The following DAPK2 variants were observed in gnomAD, a reference collection of about 807,000 sequenced individuals.
DAPK2 encodes the protein death-associated protein kinase 2.
DAPK2 carries 35 observed loss-of-function variants against 44.1 expected under a neutral mutation model. That is an observed-to-expected ratio of 0.79 (90% CI 0.61 to 1.05). The LOEUF (loss-of-function observed/expected upper bound fraction) is 1.05. Ranked by LOEUF, DAPK2 falls within the 50% of genes least tolerant of loss-of-function variation. The pLI is 0.00. For synonymous variants in DAPK2, 174 were observed against 182.6 expected, an observed-to-expected ratio of 0.95 and a Z score of 0.38; for missense variants, 453 against 483.2, an observed-to-expected ratio of 0.94 and a Z score of 0.59.
intron 3 of DAPK2, among the ~76,000 whole-genome samples, chr15:63,943,992 C>T (rs968837347): frequency 1.3e-5 from 2 of 152,190 alleles, no homozygotes; most frequent in African/African-American, 4.8e-5. Context: ...TCCTCTGGCA[C>T]CTGTGTCCTA....
intron 1 of DAPK2, among the ~76,000 whole-genome samples, chr15:64,006,896 AT>A (rs1339438217): frequency 6.6e-6 from 1 of 152,136 alleles, no homozygotes; most frequent in Non-Finnish European, 1.5e-5. Context: ...GGAAGTAGAC[AT>A]TATTCTTCCC....
Position 63,928,709 on chromosome 15 carries a change from C to G in DAPK2, c.659+842G>C, listed in dbSNP as rs76279892. Among the ~76,000 whole-genome samples, 730 of 152,178 alleles carry G rather than the reference C, an allele frequency of 4.8e-3. 5 individuals are homozygous for G. Among genetic ancestry groups the G allele is most frequent in the African/African-American group, 0.016 (680 of 41,504 alleles). ...GTGATAGTATCATGGGACTCCAGCC[C>G]CAGAGGTAACTCACTACACACTGGA... is the stretch of plus-strand genomic sequence containing the variant. On this transcript the variant is annotated intron_variant, in intron 6 of 10. Transcript: ENST00000261891.
chr15:63,915,725 A>G (rs938048698), intron 8 of DAPK2, among the ~76,000 whole-genome samples: 2 of 152,178 alleles, frequency 1.3e-5, no homozygotes, highest in Admixed American at 1.3e-4. Flanking sequence ...GGCCCTGTTT[A>G]TAGCTACACA....
At chr15:63,982,398 C>T (rs944126241) in intron 2 of DAPK2, among the ~76,000 whole-genome samples, 3 of 152,026 alleles carry the variant, frequency 2.0e-5, no homozygotes, top group Admixed American at 2.0e-4. Context: ...ACCATGTTAG[C>T]CAGGCTGGTC....
intron 1 of DAPK2, among the ~76,000 whole-genome samples, chr15:64,017,866 A>G (rs942856882): frequency 6.6e-6 from 1 of 152,190 alleles, no homozygotes; most frequent in Non-Finnish European, 1.5e-5. Flanking sequence ...GAGAAGGAGG[A>G]GAGGACAAAC....
chr15:63,982,187 CTTTTT>C (rs5813271), intron 2 of DAPK2, among the ~76,000 whole-genome samples: 1 of 107,874 alleles, frequency 9.3e-6, no homozygotes, highest in Non-Finnish European at 1.8e-5. Flanking sequence ...TCAGAATATT[CTTTTT>C]TTTTTTTTTT....
upstream of DAPK2, among the ~76,000 whole-genome samples, chr15:64,043,514 G>T (rs988579824): frequency 1.3e-5 from 2 of 152,188 alleles, no homozygotes; most frequent in African/African-American, 2.4e-5. Context: ...AGACACAAAA[G>T]ACTGCATACT....
chr15:63,932,525 T>C (rs984055036), intron 4 of DAPK2: 1 of 145,184 alleles, frequency 6.9e-6, no homozygotes, highest in African/African-American at 2.5e-5. Context: ...AGAGTATAGA[T>C]GACACTTTAT....
intron 8 of DAPK2, among the ~76,000 whole-genome samples, chr15:63,915,464 T>G (rs1595694424): frequency 6.6e-6 from 1 of 152,348 alleles, no homozygotes; most frequent in East Asian, 1.9e-4. Context: ...TTTGCTCAGA[T>G]GGGATTAGTA....
chr15:63,983,654 C>A (rs140788025), exon 2 of DAPK2: 1 of 1,614,136 alleles, frequency 6.2e-7, no homozygotes. Context: ...CGGCTCACAC[C>A]GCGCCGGCTC....
intron 3 of DAPK2, among the ~76,000 whole-genome samples, chr15:63,949,653 T>G (rs1429600599): frequency 6.6e-6 from 1 of 152,126 alleles, no homozygotes; most frequent in Non-Finnish European, 1.5e-5. Flanking sequence ...GGCTCCAAGA[T>G]GCATGACTTC....
At chr15:63,911,939 T>C (rs1200416756) in exon 10 of DAPK2, 1 of 1,613,930 alleles carries the variant, frequency 6.2e-7, no homozygotes, top group Admixed American at 1.7e-5. Context: ...GTGCACCTTC[T>C]TCATCAGCGA....
At chr15:63,919,220 C>T (rs2079007783) in intron 8 of DAPK2, 1 of 152,164 alleles carries the variant, frequency 6.6e-6, no homozygotes, top group African/African-American at 2.4e-5. Flanking sequence ...TTTAGAAGCT[C>T]TTTGTACAGA....
At chr15:63,958,990 G>A (rs2077808731) in intron 3 of DAPK2, among the ~76,000 whole-genome samples, 1 of 152,180 alleles carries the variant, frequency 6.6e-6, no homozygotes. Context: ...CCATGAGCAT[G>A]GAATGTTCTT....
At chr15:64,007,300 A>C (rs2079260040) in intron 1 of DAPK2, among the ~76,000 whole-genome samples, 2 of 149,802 alleles carry the variant, frequency 1.3e-5, no homozygotes, top group East Asian at 3.9e-4. Context: ...ACCCTTTCTC[A>C]CTCTTCTCAA....
intron 1 of DAPK2, among the ~76,000 whole-genome samples, chr15:64,005,945 G>A (rs111423076): frequency 0.034 from 5,151 of 150,074 alleles, 119 homozygotes; most frequent in African/African-American, 0.064. Context: ...GAGGTAGAAA[G>A]ATCACTTGAG....
chr15:63,942,977 T>G (rs570380308), intron 3 of DAPK2, among the ~76,000 whole-genome samples: 1 of 152,244 alleles, frequency 6.6e-6, no homozygotes, highest in East Asian at 1.9e-4. Context: ...TCAATATATG[T>G]GCCCCAAGTG....
Position 63,983,765 on chromosome 15 carries a change from A to G in DAPK2, c.93-11T>C. ...ATGGCAAACTGGCCACTGTGGGGAC[A>G]CAGACCCACAAGATTAGGTCATCAC... On this transcript the variant is annotated splice_polypyrimidine_tract_variant and intron_variant, in intron 1 of 10. Coordinates refer to ENST00000261891, the Ensembl canonical transcript of DAPK2. The G allele has an allele frequency of 1.2e-6, 2 of 1,607,420 alleles. No homozygotes were observed. The highest frequency in any genetic ancestry group is 1.7e-6 in the Non-Finnish European group (2 of 1,178,564).
chr15:64,013,222 G>A lies in DAPK2; in HGVS notation c.92+26948C>T, dbSNP rs2079435281. Among the ~76,000 whole-genome samples the A allele has an allele frequency of 6.6e-6, 1 of 152,204 alleles. No individual in the cohort carries two copies. Among genetic ancestry groups the A allele is most frequent in the Non-Finnish European group, 1.5e-5 (1 of 68,046 alleles). ...TTGGTTGTTCTGTAAAATGAGACCA[G>A]TCTAACTCCCTTGTTCTGCATGGGA... On this transcript the variant is annotated intron_variant, in intron 1 of 10. Transcript: ENST00000261891. This position sits in a 1 kb window ranked among gnomAD's most constrained non-coding sequence, Gnocchi z 4.7.
Sources: allele counts gnomAD v4.1 joint callset (sites outside exome capture counted in the v4.1 genomes callset), GRCh38; gene constraint gnomAD v4.1.1; non-coding constraint Gnocchi (gnomAD v3.1); transcripts MANE v1.5; gene names NCBI Gene and HGNC (gene_info 2026-07-23, HGNC 2026-07-21).